Variants in RNF43 observed in about 807,000 individuals in gnomAD.
RNF43 encodes ring finger protein 43, also known as E3 ubiquitin-protein ligase RNF43.
Under a neutral mutation model 78.4 loss-of-function variants are expected in RNF43, and 37 were observed. That is an observed-to-expected ratio of 0.47 (90% CI 0.36 to 0.62). The LOEUF is 0.62. RNF43 is among the 20% of genes least tolerant of loss of function. The pLI is 0.00. For synonymous variants in RNF43, 347 were observed against 395.0 expected (o/e 0.88, Z 1.44); for missense variants, 774 against 1,007.9 (o/e 0.77, Z 3.14).
At chr17:58,362,743 C>T (rs1972864987) in intron 5 of RNF43, 95 bp from the exon 6 acceptor site, 2 of 918,290 alleles carry the variant, frequency 2.2e-6, no homozygotes, top group Non-Finnish European at 3.3e-6. Context: ...ACATAGCTAA[C>T]TGGAGGTTCC....
chr17:58,373,494 G>A (rs189463600), intron 2 of RNF43, among the ~76,000 whole-genome samples: 1 of 152,278 alleles, frequency 6.6e-6, no homozygotes, highest in African/African-American at 2.4e-5. Flanking sequence ...TCACCATAAG[G>A]TAGGTGTTAT....
chr17:58,352,796 A>G (rs1972587305), downstream of RNF43: 1 of 219,238 alleles, frequency 4.6e-6, no homozygotes, highest in Non-Finnish European at 9.1e-6. Context: ...TCCGGCTGAT[A>G]ATTTATACTT....
chr17:58,364,203 ACT>A (rs534985423), intron 3 of RNF43, among the ~76,000 whole-genome samples: 47 of 152,076 alleles, frequency 3.1e-4, no homozygotes, highest in African/African-American at 1.0e-3. Flanking sequence ...TCCTTGCCAC[ACT>A]CTACTTTGCC....
At chr17:58,405,750 GAAAGAA>G in intron 2 of RNF43, among the ~76,000 whole-genome samples, 1 of 150,122 alleles carries the variant, frequency 6.7e-6, no homozygotes, top group South Asian at 2.1e-4. Context: ...AAGAAAGAAA[GAAAGAA>G]AGAAAGAAAA....
At chr17:58,405,178 T>C (rs2189682) in intron 2 of RNF43, among the ~76,000 whole-genome samples, 127,594 of 149,882 alleles carry the variant, frequency 0.85, 54,622 homozygotes, top group East Asian at 1. Flanking sequence ...CCCGGGTTCA[T>C]GCCATTCTCC....
At chr17:58,404,153 C>T (rs1335118236) in intron 2 of RNF43, among the ~76,000 whole-genome samples, 2 of 152,208 alleles carry the variant, frequency 1.3e-5, no homozygotes, top group Admixed American at 1.3e-4. Context: ...CTTAGTTCTG[C>T]TACCTATTTA....
At position 58,358,671 on chromosome 17, in the gene RNF43, G is replaced by A. The variant is rs2143423823; in HGVS notation, c.1105C>T (p.Pro369Ser). The change falls in exon 9 of 10, where the codon CCC (proline) becomes TCC (serine). Residue 369 changes from proline (P) to serine (S), a missense_variant. Coordinates refer to ENST00000407977, the MANE Select transcript of RNF43 (RefSeq NM_017763.6). This position sits in a 1 kb window ranked among gnomAD's most constrained non-coding sequence, Gnocchi z 6.2. ...LGPSRSAVAR[P>S]PRPGPFLPSQ... ...GGCAGGAAGGGACCAGGTCGTGGGG[G>A]CCGAGCCACTGCACTCCGGGAAGGG... is the stretch of plus-strand genomic sequence containing the variant. 3 of 1,526,780 alleles carry A rather than the reference G, an allele frequency of 2.0e-6. No individual in the cohort carries two copies. Among genetic ancestry groups the A allele is most frequent in the South Asian group, 1.3e-5 (1 of 79,184 alleles). 94.6% of individuals were successfully genotyped at this position (1,526,780 alleles called of 1,614,324 possible).
intron 2 of RNF43, among the ~76,000 whole-genome samples, chr17:58,407,673 TAA>T (rs1973941775): frequency 6.6e-6 from 1 of 152,134 alleles, no homozygotes; most frequent in Non-Finnish European, 1.5e-5. Flanking sequence ...AAAAAATATA[TAA>T]AGTTTTCCAT....
chr17:58,414,592 A>G (rs1567899604), intron 2 of RNF43, among the ~76,000 whole-genome samples: 2 of 152,260 alleles, frequency 1.3e-5, no homozygotes, highest in Non-Finnish European at 2.9e-5. Flanking sequence ...TTCACCACAT[A>G]AAGAATAGGC....
intron 2 of RNF43, among the ~76,000 whole-genome samples, chr17:58,397,395 T>C (rs1356785088): frequency 1.3e-5 from 2 of 152,202 alleles, no homozygotes; most frequent in Non-Finnish European, 2.9e-5. Flanking sequence ...GCATGGTGGC[T>C]CATGCCTGTA....
intron 2 of RNF43, among the ~76,000 whole-genome samples, chr17:58,377,802 T>C (rs1360574515): frequency 6.6e-6 from 1 of 151,976 alleles, no homozygotes; most frequent in Admixed American, 6.6e-5. Context: ...AATTTTGCCT[T>C]TGTAATCAAG....
intron 2 of RNF43, among the ~76,000 whole-genome samples, chr17:58,404,081 T>C (rs944412317): frequency 6.6e-6 from 1 of 152,200 alleles, no homozygotes; most frequent in Non-Finnish European, 1.5e-5. Context: ...TTTTTGAGTG[T>C]GTTAACTGGA....
At chr17:58,364,365 G>A (rs1972905048) in intron 3 of RNF43, among the ~76,000 whole-genome samples, 1 of 152,212 alleles carries the variant, frequency 6.6e-6, no homozygotes, top group South Asian at 2.1e-4. Context: ...ACACGTGCAT[G>A]TTCACCAAGG....
At position 58,366,517 on chromosome 17, in the gene RNF43, G is replaced by T. The variant is rs139323567; in HGVS notation, c.376-2917C>A. On this transcript the variant is annotated intron_variant, in intron 3 of 9. Coordinates refer to ENST00000407977, the MANE Select transcript of RNF43 (RefSeq NM_017763.6). Reference sequence around the variant, plus strand: ...TCAGGAAAGATTCAGTAGCAAAGGTGGGATTCCTCTGGGCTTGAAAGTTAA... The same window carrying T: ...TCAGGAAAGATTCAGTAGCAAAGGTTGGATTCCTCTGGGCTTGAAAGTTAA... Among the ~76,000 whole-genome samples, 430 of 152,310 alleles carry T rather than the reference G, an allele frequency of 2.8e-3. 3 individuals are homozygous for T. The highest frequency in any genetic ancestry group is 9.4e-3 in the African/African-American group (392 of 41,566).
chr17:58,414,589 C>T (rs1030119061), intron 2 of RNF43, among the ~76,000 whole-genome samples: 1 of 152,148 alleles, frequency 6.6e-6, no homozygotes, highest in Non-Finnish European at 1.5e-5. Context: ...AAATTCACCA[C>T]ATAAAGAATA....
chr17:58,407,454 C>T (rs1244692565), intron 2 of RNF43, among the ~76,000 whole-genome samples: 4 of 152,054 alleles, frequency 2.6e-5, no homozygotes, highest in Non-Finnish European at 5.9e-5. Context: ...TTTGTGCTTA[C>T]AATTTTAAAA....
chr17:58,369,449 T>A (rs563972072), intron 3 of RNF43, among the ~76,000 whole-genome samples: 117 of 152,350 alleles, frequency 7.7e-4, no homozygotes, highest in Non-Finnish European at 1.4e-3. Flanking sequence ...TGTTTCCTTG[T>A]GCCCAGGAGA....
intron 3 of RNF43, 81 bp from the exon 4 acceptor site, chr17:58,363,681 A>G: frequency 8.5e-7 from 1 of 1,171,310 alleles, no homozygotes; most frequent in African/African-American, 1.5e-5. Flanking sequence ...CCCCTCACAC[A>G]TCTATCCCTT....
rs1383113415 is a variant in RNF43 at position 58,358,452 on chromosome 17, C to CAGGGGGCCTGGCCCGGCGT, written c.1305_1323dup (p.Asp442ThrfsTer7). The CAGGGGGCCTGGCCCGGCGT allele has an allele frequency of 6.2e-7, 1 of 1,613,862 alleles. No homozygotes were observed. Among genetic ancestry groups the CAGGGGGCCTGGCCCGGCGT allele is most frequent in the Non-Finnish European group, 8.5e-7 (1 of 1,179,956 alleles). On this transcript the variant is annotated frameshift_variant, in exon 9 of 10. Coordinates refer to ENST00000407977, the MANE Select transcript of RNF43 (RefSeq NM_017763.6). LOFTEE classifies it high-confidence loss of function. This position sits in a 1 kb window ranked among gnomAD's most constrained non-coding sequence, Gnocchi z 6.2. The stretch of plus-strand genomic sequence containing the variant: ...TAGCTTTCTCCAGATCCACTGCTGT[C>CAGGGGGCCTGGCCCGGCGT]AGGGGGCCTGGCCCGGCGTAGGGGC...
Sources: allele counts gnomAD v4.1 joint callset (sites outside exome capture counted in the v4.1 genomes callset), GRCh38; gene constraint gnomAD v4.1.1; non-coding constraint Gnocchi (gnomAD v3.1); transcripts MANE v1.5; gene names NCBI Gene and HGNC (gene_info 2026-07-23, HGNC 2026-07-21).